The following ROBO1 variants were observed in gnomAD, a reference collection of about 807,000 sequenced individuals.
ROBO1 encodes roundabout homolog 1.
Under a neutral mutation model 195.9 loss-of-function variants are expected in ROBO1, and 149 were observed. The observed-to-expected ratio is 0.76, with a 90% confidence interval of 0.67 to 0.87. The LOEUF (loss-of-function observed/expected upper bound fraction) is 0.87, where lower values mean the gene tolerates loss of function less well. Ranked by LOEUF, ROBO1 falls within the 40% of genes least tolerant of loss-of-function variation. The probability of loss-of-function intolerance (pLI) is 0.00; values close to 1 mark genes in which losing one functional copy is unlikely to be tolerated. For synonymous variants in ROBO1, 816 were observed against 733.2 expected, an observed-to-expected ratio of 1.11 and a Z score of -1.82; for missense variants, 1,933 against 2,068.3, an observed-to-expected ratio of 0.93 and a Z score of 1.27.
intron 3 of ROBO1, among the ~76,000 whole-genome samples, chr3:79,043,598 T>C (rs984507113): frequency 6.6e-6 from 1 of 152,004 alleles, no homozygotes; most frequent in Non-Finnish European, 1.5e-5. Context: ...TGCAAACGAC[T>C]GGTTTTAAGG....
At chr3:79,272,618 G>A (rs898183715) in intron 2 of ROBO1, among the ~76,000 whole-genome samples, 5 of 152,072 alleles carry the variant, frequency 3.3e-5, no homozygotes, top group South Asian at 2.1e-4. Context: ...GGGAGACAGA[G>A]TGCAGTTATT....
intron 3 of ROBO1, among the ~76,000 whole-genome samples, chr3:78,952,904 C>G (rs1481519390): frequency 6.6e-6 from 1 of 151,942 alleles, no homozygotes; most frequent in Non-Finnish European, 1.5e-5. Flanking sequence ...TAGAATAACC[C>G]TAATAATTAA....
intron 2 of ROBO1, among the ~76,000 whole-genome samples, chr3:79,568,292 T>A (rs996472881): frequency 2.0e-4 from 30 of 152,098 alleles, no homozygotes; most frequent in African/African-American, 7.0e-4. Flanking sequence ...GTCTATAGAG[T>A]ACCCTTATAA....
intron 3 of ROBO1, among the ~76,000 whole-genome samples, chr3:78,964,713 A>T (rs2041583137): frequency 6.6e-6 from 1 of 152,168 alleles, no homozygotes; most frequent in South Asian, 2.1e-4. Flanking sequence ...AAAATGAATA[A>T]GAAATGAAAA....
At chr3:79,069,863 A>T (rs2079058313) in intron 3 of ROBO1, among the ~76,000 whole-genome samples, 1 of 151,922 alleles carries the variant, frequency 6.6e-6, no homozygotes, top group African/African-American at 2.4e-5. Flanking sequence ...TAATATTGTT[A>T]TGACAACTTG....
At chr3:79,523,414 T>A (rs1027863438) in intron 2 of ROBO1, among the ~76,000 whole-genome samples, 1 of 151,302 alleles carries the variant, frequency 6.6e-6, no homozygotes, top group South Asian at 2.1e-4. Context: ...GAAAAAAAAA[T>A]TGTTCACCAA....
At chr3:79,641,888 T>G (rs940112227) in intron 1 of ROBO1, among the ~76,000 whole-genome samples, 6 of 152,006 alleles carry the variant, frequency 3.9e-5, no homozygotes, top group African/African-American at 1.4e-4. Flanking sequence ...GCATGAGGCC[T>G]GGTACCTGTA....
In ROBO1 at chr3:79,000,312, G is replaced by A. The variant is rs1183336144; in HGVS notation, c.173-61385C>T. Among the ~76,000 whole-genome samples the A allele has an allele frequency of 2.0e-5, 3 of 152,070 alleles. No homozygotes were observed. In the East Asian group the frequency reaches 5.8e-4, roughly 29 times the overall value. On this transcript the variant is annotated intron_variant, in intron 3 of 30. Coordinates refer to ENST00000464233, the MANE Select transcript of ROBO1 (RefSeq NM_002941.4). ...TTTGTTTAAGTTCCTTGTAGATTCT[G>A]GGTAGTAGACCTTTGTCAGATGGAT...
chr3:78,718,474 G>A (rs1197548038), intron 5 of ROBO1, among the ~76,000 whole-genome samples: 1 of 152,056 alleles, frequency 6.6e-6, no homozygotes, highest in East Asian at 1.9e-4. Context: ...GACTTGAGAG[G>A]CAGAGAATGA....
At chr3:79,711,995 G>A (rs1702297376) in intron 1 of ROBO1, among the ~76,000 whole-genome samples, 1 of 151,850 alleles carries the variant, frequency 6.6e-6, no homozygotes, top group South Asian at 2.1e-4. Flanking sequence ...TGTTGTGTGT[G>A]TTCTGACTGC....
chr3:79,175,875 ATGT>A lies in ROBO1; in HGVS notation c.89-50339_89-50337del, dbSNP rs545714687. Among the ~76,000 whole-genome samples the A allele has an allele frequency of 3.9e-5, 6 of 152,300 alleles. No individual in the cohort carries two copies. In the South Asian group the frequency reaches 1.2e-3, roughly 32 times the overall value. ...GATGAAATGTTACAATGCTATATAC[ATGT>A]TGTATGAATTGTATAACTGAGAAAA... On this transcript the variant is annotated intron_variant, in intron 2 of 30. Transcript: ENST00000464233.
intron 2 of ROBO1, among the ~76,000 whole-genome samples, chr3:79,462,284 AACACCTGT>A (rs1289501705): frequency 6.6e-6 from 1 of 152,182 alleles, no homozygotes; most frequent in African/African-American, 2.4e-5. Flanking sequence ...AAAGTTTCTA[AACACCTGT>A]ATCTATTTTG....
intron 14 of ROBO1, 95 bp downstream of exon 14, chr3:78,667,788 G>A: frequency 1.6e-6 from 2 of 1,264,538 alleles, no homozygotes; most frequent in East Asian, 2.4e-5. Context: ...CACTGTAAAT[G>A]TACAATTCTA....
intron 3 of ROBO1, among the ~76,000 whole-genome samples, chr3:78,972,441 TA>T (rs2076789505): frequency 6.6e-6 from 1 of 152,198 alleles, no homozygotes; most frequent in Non-Finnish European, 1.5e-5. Flanking sequence ...TTTGATGATA[TA>T]ATATTATGAC....
chr3:78,725,470 T>G (rs553835742), intron 5 of ROBO1, among the ~76,000 whole-genome samples: 1 of 152,178 alleles, frequency 6.6e-6, no homozygotes, highest in Non-Finnish European at 1.5e-5. Flanking sequence ...TGTAAAAAAC[T>G]AGAAATGACT....
intron 2 of ROBO1, among the ~76,000 whole-genome samples, chr3:79,443,980 GA>G (rs551952906): frequency 0.058 from 7,356 of 126,734 alleles, 462 homozygotes; most frequent in African/African-American, 0.17. Context: ...CACATGAAAA[GA>G]AAAAAAAAAA....
intron 1 of ROBO1, among the ~76,000 whole-genome samples, chr3:79,621,993 AC>A (rs1207946029): frequency 2.6e-5 from 4 of 152,124 alleles, no homozygotes; most frequent in Admixed American, 1.3e-4. Flanking sequence ...TGAATTCTTC[AC>A]CAGCAACAAA....
chr3:79,519,411 A>G (rs1941099545), intron 2 of ROBO1, among the ~76,000 whole-genome samples: 1 of 151,978 alleles, frequency 6.6e-6, no homozygotes, highest in Non-Finnish European at 1.5e-5. Flanking sequence ...CGGGTGGATC[A>G]CGAGGTCAGG....
chr3:79,249,509 T>C (rs80052011), intron 2 of ROBO1, among the ~76,000 whole-genome samples: 2 of 152,052 alleles, frequency 1.3e-5, no homozygotes, highest in Non-Finnish European at 2.9e-5. Context: ...AAAACAATAC[T>C]AGAGATTGTT....
Sources: gnomAD v4.1 joint callset for allele counts (sites outside exome capture counted in the v4.1 genomes callset) on GRCh38, gnomAD v4.1.1 for gene constraint, MANE v1.5 for transcripts, NCBI Gene and HGNC (gene_info 2026-07-23, HGNC 2026-07-21) for gene names.